The following PRKAG2 variants were observed in gnomAD, a reference collection of about 807,000 sequenced individuals.
PRKAG2 encodes protein kinase AMP-activated non-catalytic subunit gamma 2.
Under a neutral mutation model 69.6 loss-of-function variants are expected in PRKAG2, and 26 were observed. The observed-to-expected ratio is 0.37, with a 90% CI of 0.27 to 0.52. The LOEUF is 0.52. Among genes scored for constraint, PRKAG2 ranks in the 20% least tolerant of loss-of-function variants. PRKAG2 has a pLI of 0.90. For synonymous variants in PRKAG2, 293 were observed against 285.0 expected (o/e 1.03, Z -0.28); for missense variants, 557 against 740.0 (o/e 0.75, Z 2.87).
At chr7:151,789,270 C>A (rs1237697651) in intron 1 of PRKAG2, among the ~76,000 whole-genome samples, 1 of 152,146 alleles carries the variant, frequency 6.6e-6, no homozygotes, top group Non-Finnish European at 1.5e-5. Flanking sequence ...AACAATATCG[C>A]CTCCCAATCC....
intron 6 of PRKAG2, among the ~76,000 whole-genome samples, chr7:151,582,989 A>G (rs1445401502): frequency 6.6e-6 from 1 of 152,258 alleles, no homozygotes; most frequent in Non-Finnish European, 1.5e-5. Context: ...TTTCCAGTCT[A>G]TACTGACCAA....
At chr7:151,673,195 A>C (rs1832347764) in intron 4 of PRKAG2, among the ~76,000 whole-genome samples, 1 of 152,138 alleles carries the variant, frequency 6.6e-6, no homozygotes, top group African/African-American at 2.4e-5. Context: ...TGTGTCTGTC[A>C]CTATCCCTTC....
At chr7:151,649,791 A>G (rs1016259443) in intron 4 of PRKAG2, among the ~76,000 whole-genome samples, 8 of 152,146 alleles carry the variant, frequency 5.3e-5, no homozygotes, top group African/African-American at 1.4e-4. Context: ...GCCTCCAGAG[A>G]AGCCGAGCGG....
At chr7:151,558,089 CCG>C in intron 15 of PRKAG2, 4 of 985,310 alleles carry the variant, frequency 4.1e-6, no homozygotes, top group Non-Finnish European at 4.8e-6. Flanking sequence ...GGCTGAAACA[CCG>C]TAGCTCCTGG....
chr7:151,608,713 T>C (rs533508383), intron 5 of PRKAG2, among the ~76,000 whole-genome samples: 1 of 152,238 alleles, frequency 6.6e-6, no homozygotes, highest in East Asian at 1.9e-4. Context: ...CTGGTGAATC[T>C]AGATTTAATA....
intron 3 of PRKAG2, among the ~76,000 whole-genome samples, chr7:151,746,506 G>A (rs1258932505): frequency 6.6e-6 from 1 of 152,186 alleles, no homozygotes; most frequent in East Asian, 1.9e-4. Flanking sequence ...GGGTTTCAAG[G>A]TGATTAAATA....
chr7:151,661,308 G>T (rs1054875975), intron 4 of PRKAG2, among the ~76,000 whole-genome samples: 2 of 152,174 alleles, frequency 1.3e-5, no homozygotes, highest in African/African-American at 2.4e-5. Flanking sequence ...CTCCTGAATA[G>T]CTGGGACTAC....
At position 151,638,891 on chromosome 7, in the gene PRKAG2, A is replaced by G. The variant is rs1826194312; in HGVS notation, c.685-6753T>C. Reference sequence around the variant, plus strand: ...GTAAGGAGCTCCTGAATAATTTAGCATACAGAACTCTTAGTTTCTGTGCAT... The same window carrying G: ...GTAAGGAGCTCCTGAATAATTTAGCGTACAGAACTCTTAGTTTCTGTGCAT... On this transcript the variant is annotated intron_variant, in intron 4 of 15. Transcript: ENST00000287878. This position sits in a 1 kb window ranked among gnomAD's most constrained non-coding sequence, Gnocchi z 4.3. 6.6e-6 allele frequency among the ~76,000 whole-genome samples: 1 copy of G among 152,228 alleles called. No individual in the cohort carries two copies. Among genetic ancestry groups the G allele is most frequent in the South Asian group, 2.1e-4 (1 of 4,830 alleles).
intron 6 of PRKAG2, among the ~76,000 whole-genome samples, chr7:151,578,816 T>C (rs536599788): frequency 6.6e-5 from 10 of 152,150 alleles, no homozygotes; most frequent in Non-Finnish European, 1.2e-4. Context: ...CCAGGAAAGG[T>C]GTGCCCATTT....
At chr7:151,696,906 G>A (rs1460499676) in intron 3 of PRKAG2, among the ~76,000 whole-genome samples, 1 of 152,092 alleles carries the variant, frequency 6.6e-6, no homozygotes, top group Non-Finnish European at 1.5e-5. Flanking sequence ...ACAGAAGGCC[G>A]CTCCTTAGGA....
At chr7:151,854,384 T>C (rs986618895) in intron 1 of PRKAG2, among the ~76,000 whole-genome samples, 4 of 152,206 alleles carry the variant, frequency 2.6e-5, no homozygotes, top group African/African-American at 9.7e-5. Context: ...GCTGGATGCT[T>C]GTGGGGCCTG....
intron 3 of PRKAG2, among the ~76,000 whole-genome samples, chr7:151,766,302 G>T (rs940806696): frequency 1.3e-5 from 2 of 152,200 alleles, no homozygotes; most frequent in Non-Finnish European, 2.9e-5. Flanking sequence ...TTAAATGATG[G>T]TAGGAACGGG....
In PRKAG2 at chr7:151,570,025, A is replaced by G. The variant is rs1015884420; in HGVS notation, c.1106+146T>C. The G allele has an allele frequency of 1.3e-4, 115 of 892,450 alleles. 2 individuals carry two copies. The highest frequency in any genetic ancestry group is 1.1e-3 in the Middle Eastern group (4 of 3,798). The allele number at this position is 892,450 out of a possible 1,614,324, so 55.3% of individuals were successfully genotyped here. A position where few individuals can be genotyped will look rare whatever the true frequency, so the allele number is the denominator to read the frequency against. ...TGATTTTTGTAGTGTTCCTAGATTT[A>G]CTGAATGCGTACAGTGTAGCTGGAA... On this transcript the variant is annotated intron_variant, in intron 10 of 15. Transcript: ENST00000287878.
At chr7:151,815,864 T>C (rs2078624224) in intron 1 of PRKAG2, among the ~76,000 whole-genome samples, 1 of 152,144 alleles carries the variant, frequency 6.6e-6, no homozygotes, top group Non-Finnish European at 1.5e-5. Context: ...TTCTCAGCAG[T>C]GGAGGAATTG....
chr7:151,681,826 A>C (rs2536091), intron 3 of PRKAG2, among the ~76,000 whole-genome samples: 76,951 of 151,862 alleles, frequency 0.51, 20,772 homozygotes, highest in Non-Finnish European at 0.6. Flanking sequence ...GAAGACTTAA[A>C]ATTACATTTT....
At chr7:151,817,022 C>T (rs2078662633) in intron 1 of PRKAG2, among the ~76,000 whole-genome samples, 1 of 152,140 alleles carries the variant, frequency 6.6e-6, no homozygotes, top group Non-Finnish European at 1.5e-5. Flanking sequence ...GACCCAGGAT[C>T]ACTCATTAGA....
chr7:151,804,732 G>A (rs560701892), intron 1 of PRKAG2, among the ~76,000 whole-genome samples: 7 of 152,220 alleles, frequency 4.6e-5, no homozygotes, highest in South Asian at 2.1e-4. Context: ...TCTTTATTCC[G>A]TGGTGTTCCA....
At chr7:151,624,828 A>G (rs1304264852) in intron 5 of PRKAG2, among the ~76,000 whole-genome samples, 1 of 152,214 alleles carries the variant, frequency 6.6e-6, no homozygotes, top group African/African-American at 2.4e-5. Context: ...CGCACCATCA[A>G]CATGGCAAAT....
intron 3 of PRKAG2, among the ~76,000 whole-genome samples, chr7:151,775,089 TGTA>T (rs1170220730): frequency 2.6e-5 from 4 of 152,226 alleles, no homozygotes; most frequent in African/African-American, 7.2e-5. Context: ...CACAATTGTA[TGTA>T]GGCTCGTTGG....
Sources: allele counts gnomAD v4.1 joint callset (sites outside exome capture counted in the v4.1 genomes callset), GRCh38; gene constraint gnomAD v4.1.1; non-coding constraint Gnocchi (gnomAD v3.1); transcripts MANE v1.5; gene names NCBI Gene and HGNC (gene_info 2026-07-23, HGNC 2026-07-21).